Variants in ITPA observed in about 807,000 individuals in gnomAD.
ITPA encodes the protein inosine triphosphate pyrophosphatase.
ITPA carries 29 observed loss-of-function variants against 29.6 expected under a neutral mutation model. That is an observed-to-expected ratio of 0.98 (90% CI 0.73 to 1.34). The LOEUF is 1.34. Among genes scored for constraint, ITPA ranks in the 40% most tolerant of loss-of-function variants. The pLI is 0.00. For synonymous variants in ITPA, 103 were observed against 99.3 expected (o/e 1.04, Z -0.22); for missense variants, 241 against 251.5 (o/e 0.96, Z 0.28).
At chr20:3,210,484 G>A (rs2067146657) in intron 1 of ITPA, among the ~76,000 whole-genome samples, 1 of 152,196 alleles carries the variant, frequency 6.6e-6, no homozygotes, top group Non-Finnish European at 1.5e-5. Flanking sequence ...GTCATGTGTG[G>A]GGGATCAGGA....
chr20:3,221,950 G>A (rs779555979), intron 7 of ITPA, 33 bp downstream of exon 7: 2 of 1,603,074 alleles, frequency 1.2e-6, no homozygotes, highest in East Asian at 4.5e-5. Flanking sequence ...CCTGGGGTGT[G>A]GGGTTGGTAC....
At chr20:3,213,960 A>G in intron 3 of ITPA, 25 bp from the exon 4 acceptor site, 1 of 1,613,434 alleles carries the variant, frequency 6.2e-7, no homozygotes. Flanking sequence ...CATGGGTCTC[A>G]GGGCTGTATG....
intron 1 of ITPA, among the ~76,000 whole-genome samples, chr20:3,210,454 G>C (rs1330646313): frequency 6.6e-6 from 1 of 152,184 alleles, no homozygotes; most frequent in Admixed American, 6.5e-5. Context: ...TGTTCAATCA[G>C]CCATAGCCAT....
downstream of ITPA, among the ~76,000 whole-genome samples, chr20:3,225,731 A>C (rs2122474133): frequency 6.6e-6 from 1 of 152,314 alleles, no homozygotes; most frequent in African/African-American, 2.4e-5. Flanking sequence ...TAAAAAATAA[A>C]AAAATAAAAA....
chr20:3,205,217 C>T (rs1460688919), upstream of ITPA, among the ~76,000 whole-genome samples: 1 of 152,094 alleles, frequency 6.6e-6, no homozygotes, highest in Non-Finnish European at 1.5e-5. Flanking sequence ...GGAAAAAGTA[C>T]GAAAAGAGGC....
intron 5 of ITPA, 21 bp from the exon 6 acceptor site, chr20:3,218,496 G>A (rs1455596116): frequency 1.3e-6 from 2 of 1,556,794 alleles, no homozygotes; most frequent in Admixed American, 1.7e-5. Context: ...GATGCACTGA[G>A]CCCTCACTGC....
upstream of ITPA, among the ~76,000 whole-genome samples, chr20:3,205,952 A>C (rs2122253450): frequency 6.6e-6 from 1 of 150,728 alleles, no homozygotes; most frequent in African/African-American, 2.4e-5. Context: ...GCTACTCGGG[A>C]GGCTGAGGCA....
At chr20:3,210,131 G>T (rs1441911412) in intron 1 of ITPA, among the ~76,000 whole-genome samples, 1 of 152,220 alleles carries the variant, frequency 6.6e-6, no homozygotes, top group Non-Finnish European at 1.5e-5. Flanking sequence ...GCTTCACAGC[G>T]CTATAGAGAG....
Position 3,209,508 on chromosome 20 carries a change from G to T in ITPA, c.-44G>T. The T allele has an allele frequency of 6.3e-7, 1 of 1,576,494 alleles. No individual in the cohort carries two copies. Among genetic ancestry groups the T allele is most frequent in the Non-Finnish European group, 8.7e-7 (1 of 1,146,370 alleles). On this transcript the variant is annotated 5_prime_UTR_variant, in exon 1 of 8. Coordinates refer to ENST00000380113, the MANE Select transcript of ITPA (RefSeq NM_033453.4). This position sits in a 1 kb window ranked among gnomAD's most constrained non-coding sequence, Gnocchi z 4.6. The stretch of plus-strand genomic sequence containing the variant: ...AGCCGGAAGTTTTCTGTCACTGGAC[G>T]CCAAGGAGTTTTCGGTGGCTCAGCT...
In ITPA at chr20:3,209,674, G is replaced by A. The variant is rs1179310557; in HGVS notation, c.66+57G>A. On this transcript the variant is annotated intron_variant, in intron 1 of 7. Transcript: ENST00000380113. The surrounding 1 kb of genome is among the most constrained non-coding windows in gnomAD (Gnocchi z 4.6). The stretch of plus-strand genomic sequence containing the variant: ...GGCGGCTGGGAATAGGGCGGAGAAG[G>A]GGCTTCCGGGAGGAGGGAAGCACGT... 6.8e-7 allele frequency: 1 copy of A among 1,464,376 alleles called. No individual in the cohort carries two copies. Among genetic ancestry groups the A allele is most frequent in the African/African-American group, 1.4e-5 (1 of 71,860 alleles). The allele number at this position is 1,464,376 out of a possible 1,614,324, so 90.7% of individuals were successfully genotyped here. A position where few individuals can be genotyped will look rare whatever the true frequency, so the allele number is the denominator to read the frequency against.
chr20:3,220,621 T>A (rs2067438658), intron 6 of ITPA, among the ~76,000 whole-genome samples: 1 of 151,592 alleles, frequency 6.6e-6, no homozygotes, highest in Non-Finnish European at 1.5e-5. Flanking sequence ...TGACTACCGT[T>A]CATAGCAGCC....
At chr20:3,219,728 A>G (rs2067411057) in intron 6 of ITPA, among the ~76,000 whole-genome samples, 1 of 144,278 alleles carries the variant, frequency 6.9e-6, no homozygotes, top group African/African-American at 2.5e-5. Flanking sequence ...CTGGGCAACA[A>G]GAGTGAGACT....
intron 3 of ITPA, 185 bp downstream of exon 3, chr20:3,213,568 G>A: frequency 5.7e-6 from 4 of 704,644 alleles, no homozygotes; most frequent in Non-Finnish European, 9.9e-6. Context: ...TTGAATACAT[G>A]GTATCTCCCC....
intron 7 of ITPA, among the ~76,000 whole-genome samples, chr20:3,222,537 C>T (rs1204069934): frequency 1.3e-5 from 2 of 152,216 alleles, no homozygotes; most frequent in African/African-American, 2.4e-5. Context: ...GCATCATTTT[C>T]TGACCCCCAT....
chr20:3,223,579 G>T lies in ITPA; in HGVS notation c.*117G>T. 1 of 792,656 alleles carries T rather than the reference G, an allele frequency of 1.3e-6. No individual in the cohort carries two copies. Among genetic ancestry groups the T allele is most frequent in the Non-Finnish European group, 2.1e-6 (1 of 470,446 alleles). The allele number at this position is 792,656 out of a possible 1,614,324, so 49.1% of individuals were successfully genotyped here. ...TCCTTCAGGGTTTCCCCTTTGTGAG[G>T]GTGTCGAGTAGCCTCACCGGCCTGT... On this transcript the variant is annotated 3_prime_UTR_variant, in exon 8 of 8. Transcript: ENST00000380113.
intron 1 of ITPA, among the ~76,000 whole-genome samples, chr20:3,212,817 T>C (rs1037081049): frequency 2.0e-5 from 3 of 152,156 alleles, no homozygotes; most frequent in African/African-American, 7.2e-5. Context: ...AAGTTTTTTT[T>C]CCCAATCCAT....
upstream of ITPA, chr20:3,204,697 T>C (rs2067058879): frequency 4.8e-6 from 7 of 1,469,614 alleles, no homozygotes; most frequent in Non-Finnish European, 6.4e-6. Flanking sequence ...CGCCCCTATT[T>C]CCCAATCTAG....
At chr20:3,211,741 C>G (rs374172108) in intron 1 of ITPA, among the ~76,000 whole-genome samples, 117 of 152,292 alleles carry the variant, frequency 7.7e-4, no homozygotes, top group Middle Eastern at 3.4e-3. Context: ...GATCCGCCCG[C>G]CAGGGCCTCC....
chr20:3,204,387 GC>G, upstream of ITPA: 1 of 747,262 alleles, frequency 1.3e-6, no homozygotes, highest in East Asian at 2.7e-5. Flanking sequence ...CACTGCGGAA[GC>G]CCCACCCGGC....
Sources: allele counts gnomAD v4.1 joint callset (sites outside exome capture counted in the v4.1 genomes callset), GRCh38; gene constraint gnomAD v4.1.1; non-coding constraint Gnocchi (gnomAD v3.1); transcripts MANE v1.5; gene names NCBI Gene and HGNC (gene_info 2026-07-23, HGNC 2026-07-21).